The following GMDS variants were observed in gnomAD, a reference collection of about 807,000 sequenced individuals.
GMDS encodes GDP-mannose 4,6 dehydratase.
GMDS carries 20 observed loss-of-function variants against 49.9 expected under a neutral mutation model. The observed-to-expected ratio is 0.40, with a 90% CI of 0.28 to 0.58. The LOEUF (loss-of-function observed/expected upper bound fraction) is 0.58, where lower values mean the gene tolerates loss of function less well. Among genes scored for constraint, GMDS ranks in the 20% least tolerant of loss-of-function variants. The probability of loss-of-function intolerance (pLI) is 0.42; values close to 1 mark genes in which losing one functional copy is unlikely to be tolerated. For synonymous variants in GMDS, 177 were observed against 178.6 expected (o/e 0.99, Z 0.07); for missense variants, 362 against 481.4 (o/e 0.75, Z 2.32).
At chr6:2,059,637 G>A (rs1771009115) in intron 4 of GMDS, among the ~76,000 whole-genome samples, 1 of 128,762 alleles carries the variant, frequency 7.8e-6, no homozygotes, top group Admixed American at 9.2e-5. Context: ...GAACCCGGGA[G>A]GCGGAGCTTG....
intron 7 of GMDS, among the ~76,000 whole-genome samples, chr6:1,784,641 T>C (rs1390866035): frequency 2.0e-5 from 3 of 152,142 alleles, no homozygotes; most frequent in Non-Finnish European, 4.4e-5. Context: ...GACTTACTGC[T>C]CTGGGTCATG....
intron 6 of GMDS, among the ~76,000 whole-genome samples, chr6:1,956,309 C>T (rs1015703324): frequency 2.6e-5 from 4 of 152,194 alleles, no homozygotes; most frequent in African/African-American, 7.2e-5. Flanking sequence ...AGTGCATCTG[C>T]CTGTGTTACA....
At chr6:1,823,470 G>A (rs77245274) in intron 7 of GMDS, among the ~76,000 whole-genome samples, 5,577 of 152,166 alleles carry the variant, frequency 0.037, 337 homozygotes, top group African/African-American at 0.13. Flanking sequence ...TTCTTACACA[G>A]CTGAGCACAG....
intron 4 of GMDS, among the ~76,000 whole-genome samples, chr6:2,006,533 T>C (rs1318127133): frequency 6.6e-6 from 1 of 152,184 alleles, no homozygotes; most frequent in Non-Finnish European, 1.5e-5. Flanking sequence ...TCATAATTAC[T>C]ATGCATTTCT....
rs1329670062 is a variant in GMDS, at chr6:2,245,275, C to T, written c.102+46G>A. The T allele has an allele frequency of 3.9e-6, 5 of 1,266,580 alleles. No individual in the cohort carries two copies. The East Asian group carries it at 7.7e-5, about 19-fold the overall frequency. The allele number at this position is 1,266,580 out of a possible 1,614,324, so 78.5% of individuals were successfully genotyped here. On this transcript the variant is annotated intron_variant, in intron 1 of 10. Coordinates refer to ENST00000380815, the MANE Select transcript of GMDS (RefSeq NM_001500.4). ...AGTAGCGGCGCGTAGGGAGAGCACG[C>T]GTGCCCAGGCTGCCTCGGCCGGCGC...
At chr6:2,038,176 T>C (rs1561996216) in intron 4 of GMDS, among the ~76,000 whole-genome samples, 1 of 152,134 alleles carries the variant, frequency 6.6e-6, no homozygotes, top group Non-Finnish European at 1.5e-5. Context: ...CCCCACCTCC[T>C]GACACAAAGC....
At chr6:1,995,668 C>T (rs1345694658) in intron 4 of GMDS, among the ~76,000 whole-genome samples, 1 of 152,210 alleles carries the variant, frequency 6.6e-6, no homozygotes, top group Non-Finnish European at 1.5e-5. Context: ...TAAGAAGAAC[C>T]TTCAACCACA....
chr6:2,105,497 C>T (rs995173467), intron 4 of GMDS, among the ~76,000 whole-genome samples: 4 of 152,108 alleles, frequency 2.6e-5, no homozygotes, highest in Non-Finnish European at 5.9e-5. Flanking sequence ...GAAAGGCACT[C>T]TAGTGTGAGC....
chr6:1,754,321 C>T (rs1767852578), intron 7 of GMDS, among the ~76,000 whole-genome samples: 1 of 152,158 alleles, frequency 6.6e-6, no homozygotes, highest in East Asian at 1.9e-4. Flanking sequence ...TACACCCTCC[C>T]AAGACTAAAC....
intron 4 of GMDS, among the ~76,000 whole-genome samples, chr6:2,012,327 C>A (rs1245123600): frequency 6.6e-6 from 1 of 152,022 alleles, no homozygotes; most frequent in African/African-American, 2.4e-5. Context: ...GTGAAATGGT[C>A]TGAATATTCT....
chr6:1,743,075 A>G (rs1402543196), intron 7 of GMDS, among the ~76,000 whole-genome samples: 1 of 152,228 alleles, frequency 6.6e-6, no homozygotes, highest in Non-Finnish European at 1.5e-5. Flanking sequence ...ATTTTTGAAC[A>G]ATAAAGTTGA....
intron 4 of GMDS, among the ~76,000 whole-genome samples, chr6:2,065,421 G>C (rs1771507313): frequency 6.6e-6 from 1 of 152,232 alleles, no homozygotes. Flanking sequence ...AAGCTGGATG[G>C]AGAATGACTT....
chr6:1,919,271 A>G (rs796754170), intron 7 of GMDS, among the ~76,000 whole-genome samples: 2 of 152,224 alleles, frequency 1.3e-5, no homozygotes, highest in South Asian at 4.1e-4. Context: ...TTTTCTCTCT[A>G]TAGTGAGAGC....
chr6:1,726,430 G>C lies in GMDS; in HGVS notation c.973C>G (p.Arg325Gly). 6.2e-7 allele frequency: 1 copy of C among 1,611,936 alleles called. No individual in the cohort carries two copies. The highest frequency in any genetic ancestry group is 8.5e-7 in the Non-Finnish European group (1 of 1,177,958). Residue 325 changes from arginine to glycine, a missense_variant, in exon 9 of 11, where the codon CGG becomes GGG. Coordinates refer to ENST00000380815, the MANE Select transcript of GMDS (RefSeq NM_001500.4). ...AGAGTCCTTACCACTTCAGTTGGCC[G>C]GTAGTACTTGAGATCCACAGTCACG... ...VHVTVDLKYY[R>G]PTEVDFLQGD...
intron 4 of GMDS, among the ~76,000 whole-genome samples, chr6:2,020,385 C>T (rs959882152): frequency 6.6e-6 from 1 of 151,704 alleles, no homozygotes; most frequent in Non-Finnish European, 1.5e-5. Context: ...CATAGAGAAT[C>T]CTAAACAGCA....
At chr6:2,134,278 G>C (rs890539538) in intron 1 of GMDS, among the ~76,000 whole-genome samples, 2 of 152,194 alleles carry the variant, frequency 1.3e-5, no homozygotes, top group African/African-American at 4.8e-5. Flanking sequence ...TTATTTTGTT[G>C]CTTTGCTTTC....
At chr6:2,092,017 A>T (rs1454664475) in intron 4 of GMDS, among the ~76,000 whole-genome samples, 1 of 152,218 alleles carries the variant, frequency 6.6e-6, no homozygotes, top group East Asian at 1.9e-4. Flanking sequence ...GAGTGGATTC[A>T]TGGGAACAAC....
In GMDS at chr6:2,136,658, C is replaced by T. The variant is rs72830162; in HGVS notation, c.103-11927G>A. On this transcript the variant is annotated intron_variant, in intron 1 of 10. Coordinates refer to ENST00000380815, the MANE Select transcript of GMDS (RefSeq NM_001500.4). ...TTGCTTGTAGTCCAGAAGGTCAAGG[C>T]TGCAGTGTGCCATGATCACACCACT... Among the ~76,000 whole-genome samples, 1,035 of 152,294 alleles carry T rather than the reference C, an allele frequency of 6.8e-3. 5 individuals are homozygous for T. Among genetic ancestry groups the T allele is most frequent in the Non-Finnish European group, 9.5e-3 (649 of 68,020 alleles).
intron 9 of GMDS, chr6:1,679,220 T>C (rs1478353761): frequency 1.3e-5 from 2 of 152,236 alleles, no homozygotes; most frequent in African/African-American, 4.8e-5. Flanking sequence ...GGAGTGTAAC[T>C]TGTGTGAAGG....
Sources: gnomAD v4.1 joint callset for allele counts (sites outside exome capture counted in the v4.1 genomes callset) on GRCh38, gnomAD v4.1.1 for gene constraint, MANE v1.5 for transcripts, NCBI Gene and HGNC (gene_info 2026-07-23, HGNC 2026-07-21) for gene names.